The following PADI3 variants were observed in gnomAD, a reference collection of about 807,000 sequenced individuals.
The protein encoded by PADI3 is peptidyl arginine deiminase 3.
In PADI3, 53 loss-of-function variants were observed where a neutral mutation model predicts 71.5. That is an observed-to-expected ratio of 0.74 (90% CI 0.59 to 0.93). The LOEUF is 0.93. Among genes scored for constraint, PADI3 ranks in the 40% least tolerant of loss-of-function variants. PADI3 has a pLI of 0.00. For missense variants in PADI3, 821 were observed against 868.0 expected, an observed-to-expected ratio of 0.95 and a Z score of 0.68; for synonymous variants, 361 against 347.5, an observed-to-expected ratio of 1.04 and a Z score of -0.43.
intron 11 of PADI3, 84 bp downstream of exon 11, chr1:17,274,870 A>G: frequency 7.3e-7 from 1 of 1,379,178 alleles, no homozygotes; most frequent in Non-Finnish European, 1.0e-6. Context: ...GGGCCATTGC[A>G]CTCCTTGAAG....
Position 17,280,695 on chromosome 1 carries a change from G to T in PADI3, c.1660G>T (p.Val554Leu). The change falls in exon 15 of 16, where the codon GTG becomes TTG. Residue 554 changes from valine to leucine, a missense_variant. Transcript: ENST00000375460. ...VQSCIDWNRE[V>L]LKRELGLAEC... ...GAGCTGCATCGACTGGAACCGTGAG[G>T]TGCTGAAGCGGGAGCTGGGCCTGGC... 1 of 1,614,194 alleles carries T rather than the reference G, an allele frequency of 6.2e-7. No individual in the cohort carries two copies. The highest frequency in any genetic ancestry group is 8.5e-7 in the Non-Finnish European group (1 of 1,180,042).
intron 4 of PADI3, 37 bp downstream of exon 4, chr1:17,265,757 C>T (rs745577572): frequency 5.1e-6 from 8 of 1,581,188 alleles, no homozygotes; most frequent in Admixed American, 5.0e-5. Flanking sequence ...AGCAGGAGTG[C>T]AGTTGGAGCT....
chr1:17,276,671 C>T lies in PADI3; in HGVS notation c.1452+8C>T, dbSNP rs369736629. On this transcript the variant is annotated splice_region_variant and intron_variant, in intron 12 of 15. Coordinates refer to ENST00000375460, the MANE Select transcript of PADI3 (RefSeq NM_016233.2). ...CCTGCCCCCGATGGGAAGGTAAGAA[C>T]TTCGTGCATGACGTGTCTTTCCCTG... The T allele has an allele frequency of 1.2e-5, 20 of 1,613,902 alleles. No individual in the cohort carries two copies. The African/African-American group carries it at 2.4e-4, about 19-fold the overall frequency.
intron 1 of PADI3, among the ~76,000 whole-genome samples, chr1:17,250,411 C>T (rs914518907): frequency 3.3e-5 from 5 of 152,172 alleles, no homozygotes; most frequent in African/African-American, 1.2e-4. Flanking sequence ...GCCAAATGTG[C>T]CCTGGGGTGG....
At chr1:17,249,560 G>C (rs1422155528) in intron 1 of PADI3, among the ~76,000 whole-genome samples, 3 of 152,164 alleles carry the variant, frequency 2.0e-5, no homozygotes. Flanking sequence ...GGATCTGTCT[G>C]GGGCACACAA....
At chr1:17,272,744 C>T (rs1270379949) in intron 9 of PADI3, among the ~76,000 whole-genome samples, 1 of 152,236 alleles carries the variant, frequency 6.6e-6, no homozygotes, top group African/African-American at 2.4e-5. Flanking sequence ...GCAATCCTCC[C>T]GCCTCACCCT....
intron 1 of PADI3, among the ~76,000 whole-genome samples, chr1:17,253,719 C>T (rs1557496391): frequency 1.3e-5 from 2 of 152,188 alleles, no homozygotes; most frequent in South Asian, 2.1e-4. Context: ...GGCTAAGAAC[C>T]GCTGCCCTCA....
intron 15 of PADI3, 87 bp downstream of exon 15, chr1:17,280,883 TTTAG>T: frequency 6.6e-7 from 1 of 1,517,262 alleles, no homozygotes; most frequent in Non-Finnish European, 9.0e-7. Context: ...CACAGTCATA[TTTAG>T]GATTGTGGTG....
At position 17,267,871 on chromosome 1, in the gene PADI3, G is replaced by A. The variant is rs777002952; in HGVS notation, c.561G>A (p.Thr187=). ...LEDMSVMVLR[T]QGPAALFDDH... is the part of the protein sequence containing the mutation. ...ACATGTCTGTCATGGTCCTGCGGACGCAGGGCCCTGCAGCCCTCTTTGATG... is the reference window on the plus strand; with the variant it reads ...ACATGTCTGTCATGGTCCTGCGGACACAGGGCCCTGCAGCCCTCTTTGATG... The change falls in exon 6 of 16, where the codon ACG becomes ACA. Residue 187 remains threonine, a synonymous_variant. Transcript: ENST00000375460. The A allele has an allele frequency of 2.8e-5, 45 of 1,613,910 alleles. No homozygotes were observed. The highest frequency in any genetic ancestry group is 1.6e-4 in the Middle Eastern group (1 of 6,084).
At chr1:17,260,161 C>T (rs1047223703) in intron 2 of PADI3, among the ~76,000 whole-genome samples, 7 of 152,112 alleles carry the variant, frequency 4.6e-5, no homozygotes, top group African/African-American at 1.7e-4. Context: ...GGGATCTCTG[C>T]CACTTTGAAT....
At chr1:17,275,592 A>G (rs3766298) in intron 11 of PADI3, among the ~76,000 whole-genome samples, 1 of 152,058 alleles carries the variant, frequency 6.6e-6, no homozygotes, top group Non-Finnish European at 1.5e-5. Context: ...GGTACAAGAC[A>G]TGCTAAGTGA....
At chr1:17,258,117 C>G (rs1298934987) in intron 1 of PADI3, among the ~76,000 whole-genome samples, 4 of 152,182 alleles carry the variant, frequency 2.6e-5, no homozygotes, top group Non-Finnish European at 5.9e-5. Flanking sequence ...TGCCTCCCTT[C>G]TAGGGTTATT....
intron 9 of PADI3, among the ~76,000 whole-genome samples, chr1:17,271,857 A>AAAAT (rs1557509543): frequency 9.5e-6 from 1 of 105,108 alleles, no homozygotes; most frequent in African/African-American, 3.9e-5. Context: ...AAAAAAAAAG[A>AAAAT]GAGAGAGAGA....
chr1:17,272,196 G>C (rs539663438), intron 9 of PADI3, among the ~76,000 whole-genome samples: 100 of 152,356 alleles, frequency 6.6e-4, no homozygotes, highest in African/African-American at 2.2e-3. Context: ...GGCTGTACAG[G>C]TTGGTGGTCC....
At chr1:17,250,455 C>T (rs1270325550) in intron 1 of PADI3, among the ~76,000 whole-genome samples, 1 of 152,140 alleles carries the variant, frequency 6.6e-6, no homozygotes, top group Non-Finnish European at 1.5e-5. Flanking sequence ...GAACGAGTCT[C>T]CAAGACTAAG....
intron 1 of PADI3, among the ~76,000 whole-genome samples, chr1:17,252,074 C>T (rs1182067793): frequency 6.6e-6 from 1 of 152,150 alleles, no homozygotes. Flanking sequence ...TGGAGATGAC[C>T]CAGGCATGGT....
chr1:17,271,392 G>A (rs950852651), intron 9 of PADI3, among the ~76,000 whole-genome samples: 1 of 152,186 alleles, frequency 6.6e-6, no homozygotes, highest in East Asian at 1.9e-4. Flanking sequence ...CCGGATCTGG[G>A]CTAGGCACTA....
chr1:17,281,586 G>C (rs1459767754), intron 15 of PADI3, among the ~76,000 whole-genome samples: 3 of 151,898 alleles, frequency 2.0e-5, no homozygotes, highest in Non-Finnish European at 4.4e-5. Flanking sequence ...CTGGGATTGT[G>C]GGATTGCAGG....
rs369350547 is a variant in PADI3 at position 17,267,962 on chromosome 1, G to A, written c.652G>A (p.Gly218Ser). The change falls in exon 6 of 16, where the codon GGT becomes AGT. Residue 218 changes from glycine to serine, a missense_variant and splice_region_variant. Gly to Ser is a moderately conservative substitution (Grantham distance 56). Transcript: ENST00000375460. The part of the protein sequence containing the change: ...AKRAQVFHIC[G>S]PEDVCEAYRH... Reference sequence around the variant, plus strand: ...ACGGGCACAGGTCTTCCACATCTGCGGTGAGTTTGTGCCACTGCCCCTTGC... The same window carrying A: ...ACGGGCACAGGTCTTCCACATCTGCAGTGAGTTTGTGCCACTGCCCCTTGC... The A allele has an allele frequency of 4.1e-5, 66 of 1,613,938 alleles. No individual in the cohort carries two copies. The highest frequency in any genetic ancestry group is 3.3e-4 in the Middle Eastern group (2 of 6,084).
Sources: allele counts gnomAD v4.1 joint callset (sites outside exome capture counted in the v4.1 genomes callset), GRCh38; gene constraint gnomAD v4.1.1; transcripts MANE v1.5; gene names NCBI Gene and HGNC (gene_info 2026-07-23, HGNC 2026-07-21).